Variants in KIAA1217 observed in about 807,000 individuals in gnomAD.
The protein encoded by KIAA1217 is KIAA1217, also known as sickle tail protein homolog.
In KIAA1217, 88 loss-of-function variants were observed where a neutral mutation model predicts 163.9. The observed-to-expected ratio is 0.54, with a 90% confidence interval of 0.45 to 0.64. The LOEUF is 0.64. KIAA1217 is among the 30% of genes least tolerant of loss of function. The probability of loss-of-function intolerance (pLI) is 0.00; values close to 1 mark genes in which losing one functional copy is unlikely to be tolerated. For missense variants in KIAA1217, 2,372 were observed against 2,475.0 expected (o/e 0.96, Z 0.88); for synonymous variants, 903 against 923.1 (o/e 0.98, Z 0.39).
At chr10:24,467,400 A>G (rs2132816567) in intron 5 of KIAA1217, among the ~76,000 whole-genome samples, 1 of 152,314 alleles carries the variant, frequency 6.6e-6, no homozygotes, top group South Asian at 2.1e-4. Context: ...AGTAATGGAA[A>G]GAAGAAAAGA....
chr10:24,323,127 A>G (rs927420991), intron 2 of KIAA1217, among the ~76,000 whole-genome samples: 1 of 151,978 alleles, frequency 6.6e-6, no homozygotes, highest in Admixed American at 6.6e-5. Flanking sequence ...TTAAAAAAAA[A>G]AAATGTTTTT....
intron 2 of KIAA1217, among the ~76,000 whole-genome samples, chr10:24,323,082 T>C (rs2044382427): frequency 6.6e-6 from 1 of 151,794 alleles, no homozygotes; most frequent in South Asian, 2.1e-4. Context: ...CCTGAGTAGC[T>C]GGGACTATAG....
At chr10:24,221,904 G>A (rs890034881) in intron 2 of KIAA1217, among the ~76,000 whole-genome samples, 6 of 152,122 alleles carry the variant, frequency 3.9e-5, no homozygotes, top group African/African-American at 1.4e-4. Context: ...GGGTGTGGTG[G>A]CACACACCTG....
chr10:24,334,415 G>C (rs934675764), intron 2 of KIAA1217, among the ~76,000 whole-genome samples: 1 of 144,922 alleles, frequency 6.9e-6, no homozygotes, highest in Non-Finnish European at 1.5e-5. Context: ...GAAAGATGGA[G>C]GGGTGGAGGA....
chr10:24,168,654 A>G (rs1490303327), intron 2 of KIAA1217, among the ~76,000 whole-genome samples: 2 of 152,174 alleles, frequency 1.3e-5, no homozygotes, highest in Non-Finnish European at 2.9e-5. Context: ...CAATATATCA[A>G]AGGATTTCCT....
rs918760690 is a variant in KIAA1217, at chr10:24,090,162, T to A, written c.-171+82788T>A. ...CTTTTTTCTTTCTTTCTTTTTCTTT[T>A]TCTTTTTTTTTTTTTTTTTTTTGAG... On this transcript the variant is annotated intron_variant, in intron 2 of 18. Transcript: ENST00000376462. 1.9e-4 allele frequency among the ~76,000 whole-genome samples: 25 copies of A among 135,134 alleles called. 1 individual carries two copies. Among genetic ancestry groups the A allele is most frequent in the Non-Finnish European group, 2.7e-4 (18 of 67,056 alleles). 88.7% of individuals were successfully genotyped at this position (135,134 alleles called of 152,430 possible). A position where few individuals can be genotyped will look rare whatever the true frequency, so the allele number is the denominator to read the frequency against.
chr10:24,174,276 T>C (rs2065766695), intron 2 of KIAA1217, among the ~76,000 whole-genome samples: 1 of 152,270 alleles, frequency 6.6e-6, no homozygotes, highest in Admixed American at 6.5e-5. Flanking sequence ...CTTGGCTTGC[T>C]GCCTTGCCAC....
chr10:24,402,214 G>A (rs1004191276), intron 3 of KIAA1217, among the ~76,000 whole-genome samples: 2 of 152,028 alleles, frequency 1.3e-5, no homozygotes, highest in African/African-American at 4.8e-5. Flanking sequence ...TATATAAAAA[G>A]GCAAACGAGT....
At chr10:24,300,290 A>T (rs1222667581) in intron 2 of KIAA1217, among the ~76,000 whole-genome samples, 1 of 152,124 alleles carries the variant, frequency 6.6e-6, no homozygotes, top group East Asian at 1.9e-4. Context: ...ATTATTTCCA[A>T]TTTTTTTAAG....
At chr10:24,422,085 A>T (rs1285134933) in intron 3 of KIAA1217, among the ~76,000 whole-genome samples, 1 of 152,168 alleles carries the variant, frequency 6.6e-6, no homozygotes, top group African/African-American at 2.4e-5. Flanking sequence ...GTGGCAGGCA[A>T]AGAGAGAGCT....
intron 1 of KIAA1217, among the ~76,000 whole-genome samples, chr10:23,793,210 C>G (rs929333519): frequency 6.6e-6 from 1 of 152,180 alleles, no homozygotes; most frequent in African/African-American, 2.4e-5. Flanking sequence ...TTTCTAACTG[C>G]TCAGTTGTCT....
intron 1 of KIAA1217, among the ~76,000 whole-genome samples, chr10:23,821,687 G>A (rs1285388051): frequency 6.6e-6 from 1 of 152,096 alleles, no homozygotes; most frequent in Non-Finnish European, 1.5e-5. Flanking sequence ...CAAAAACATT[G>A]CATTGCTTTA....
In KIAA1217 at chr10:24,480,294, A is replaced by T. The variant is rs1361903479; in HGVS notation, c.1679+6234A>T. Among the ~76,000 whole-genome samples the T allele has an allele frequency of 2.0e-5, 3 of 152,250 alleles. No individual in the cohort carries two copies. The South Asian group carries it at 6.2e-4, about 32-fold the overall frequency. On this transcript the variant is annotated intron_variant, in intron 6 of 20. Transcript: ENST00000376454. ...AAGCAATGTAAATTGTGACATTCGT[A>T]AGGCAAGGACCAGGACAGTTATTAC...
chr10:23,846,066 C>T (rs563708430), intron 1 of KIAA1217, among the ~76,000 whole-genome samples: 25 of 152,076 alleles, frequency 1.6e-4, no homozygotes, highest in Admixed American at 8.5e-4. Context: ...TTTTCTGAGG[C>T]CCCTGTTCTG....
chr10:23,876,029 C>T (rs998803157), intron 1 of KIAA1217, among the ~76,000 whole-genome samples: 22 of 151,234 alleles, frequency 1.5e-4, no homozygotes, highest in African/African-American at 4.6e-4. Context: ...AGCAAACCAA[C>T]GTCGCATATG....
intron 2 of KIAA1217, among the ~76,000 whole-genome samples, chr10:24,243,980 A>T (rs994115957): frequency 6.6e-6 from 1 of 152,192 alleles, no homozygotes; most frequent in Non-Finnish European, 1.5e-5. Context: ...TGTAAATCAG[A>T]TGGGCTGCGT....
intron 2 of KIAA1217, among the ~76,000 whole-genome samples, chr10:24,105,058 A>AGAT (rs71869676): frequency 0.036 from 5,394 of 151,106 alleles, 221 homozygotes; most frequent in African/African-American, 0.1. Flanking sequence ...TCCCACTGCA[A>AGAT]GATGATGATG....
intron 3 of KIAA1217, among the ~76,000 whole-genome samples, chr10:24,410,504 A>G (rs553642289): frequency 1.3e-5 from 2 of 152,272 alleles, no homozygotes; most frequent in African/African-American, 4.8e-5. Flanking sequence ...GTGGGTAATG[A>G]GGCTCAGGGT....
intron 1 of KIAA1217, among the ~76,000 whole-genome samples, chr10:23,825,326 T>A (rs977090481): frequency 1.1e-4 from 17 of 152,246 alleles, no homozygotes; most frequent in African/African-American, 4.1e-4. Context: ...CATACTTTCT[T>A]GTATTTTAGT....
Sources: allele counts gnomAD v4.1 joint callset (sites outside exome capture counted in the v4.1 genomes callset), GRCh38; gene constraint gnomAD v4.1.1; transcripts MANE v1.5; gene names NCBI Gene and HGNC (gene_info 2026-07-23, HGNC 2026-07-21).